The following ETV5 variants were observed in gnomAD, a reference collection of about 807,000 sequenced individuals.
ETV5 encodes ETS variant transcription factor 5.
ETV5 carries 10 observed loss-of-function variants against 70.0 expected under a neutral mutation model. That is an observed-to-expected ratio of 0.14 (90% confidence interval 0.09 to 0.24). The LOEUF (loss-of-function observed/expected upper bound fraction) is 0.24. ETV5 is among the 10% of genes least tolerant of loss of function. The probability of loss-of-function intolerance (pLI) is 1.00; values close to 1 mark genes in which losing one functional copy is unlikely to be tolerated. For synonymous variants in ETV5, 216 were observed against 242.2 expected (o/e 0.89, Z 1.01); for missense variants, 453 against 651.2 (o/e 0.70, Z 3.31).
chr3:186,060,013 C>T (rs1008456506), intron 9 of ETV5, among the ~76,000 whole-genome samples: 2 of 152,180 alleles, frequency 1.3e-5, no homozygotes, highest in South Asian at 2.1e-4. Flanking sequence ...TCATAATCCA[C>T]TATGCTTCAA....
At chr3:186,078,056 G>A (rs1713840414) in intron 7 of ETV5, 1 of 1,056,262 alleles carries the variant, frequency 9.5e-7, no homozygotes, top group African/African-American at 1.7e-5. Context: ...ATCAATCCCA[G>A]GAATCCAAAA....
chr3:186,073,897 A>G (rs1466691400), intron 7 of ETV5, among the ~76,000 whole-genome samples: 2 of 152,348 alleles, frequency 1.3e-5, no homozygotes, highest in Non-Finnish European at 2.9e-5. Context: ...GAAATTTTAT[A>G]TGGTTTTGTG....
Position 186,074,439 on chromosome 3 carries a change from T to C in ETV5, c.650+5378A>G, listed in dbSNP as rs545979856. On this transcript the variant is annotated intron_variant, in intron 7 of 12. Transcript: ENST00000306376. ...CAATTTCACATGAGATGTTCTAAAA[T>C]ATAGAAAACGGAAGACACCCTCTAC... 1.7e-4 allele frequency among the ~76,000 whole-genome samples: 26 copies of C among 152,218 alleles called. No individual in the cohort carries two copies. The South Asian group carries it at 4.8e-3, about 28-fold the overall frequency.
rs1713111610 is a variant in ETV5 at position 186,054,568 on chromosome 3, T to G, written c.1210-2437A>C. Among the ~76,000 whole-genome samples, 1 of 152,190 alleles carries G rather than the reference T, an allele frequency of 6.6e-6. No homozygotes were observed. Among genetic ancestry groups the G allele is most frequent in the Non-Finnish European group, 1.5e-5 (1 of 68,026 alleles). On this transcript the variant is annotated intron_variant, in intron 11 of 12. Transcript: ENST00000306376. This position sits in a 1 kb window ranked among gnomAD's most constrained non-coding sequence, Gnocchi z 4.4. Reference sequence around the variant, plus strand: ...GGATGACTATCAAAAGACATTTGATTAGGGGGCCTGCCAAAACGCAGTTCT... The same window carrying G: ...GGATGACTATCAAAAGACATTTGATGAGGGGGCCTGCCAAAACGCAGTTCT...
intron 5 of ETV5, among the ~76,000 whole-genome samples, chr3:186,097,278 T>C (rs903887133): frequency 1.3e-5 from 2 of 152,166 alleles, no homozygotes; most frequent in Admixed American, 1.3e-4. Flanking sequence ...AATACTTATC[T>C]GACCACAGTG....
intron 5 of ETV5, among the ~76,000 whole-genome samples, chr3:186,091,453 C>T (rs1714180899): frequency 6.6e-6 from 1 of 152,198 alleles, no homozygotes; most frequent in Admixed American, 6.5e-5. Context: ...CAGAATTCAT[C>T]AGTGAACAGT....
At chr3:186,082,829 G>A (rs1297398449) in intron 5 of ETV5, among the ~76,000 whole-genome samples, 1 of 152,192 alleles carries the variant, frequency 6.6e-6, no homozygotes, top group Non-Finnish European at 1.5e-5. Flanking sequence ...GATTGAATAC[G>A]AGACAGATGA....
intron 5 of ETV5, among the ~76,000 whole-genome samples, chr3:186,096,750 T>C (rs1437369835): frequency 6.6e-6 from 1 of 152,194 alleles, no homozygotes; most frequent in African/African-American, 2.4e-5. Flanking sequence ...GGATCATTAC[T>C]ATTAAGTTTT....
chr3:186,050,660 A>G (rs913097201), intron 12 of ETV5, among the ~76,000 whole-genome samples: 8 of 152,240 alleles, frequency 5.3e-5, no homozygotes, highest in Non-Finnish European at 4.4e-5. Flanking sequence ...CACCTATCCT[A>G]CAGCATTTAA....
rs535627668 is a variant in ETV5, at chr3:186,079,888, G to T, written c.579C>A (p.Val193=). Residue 193 remains valine, a synonymous_variant, in exon 7 of 13, where the codon GTC becomes GTA. Transcript: ENST00000306376. ...EPGPQQQTFA[V]PRPPHQPLQM... ...GCAGGGGCTGATGTGGTGGTCGGGG[G>T]ACCGCAAATGTTTGCTGCTGTGGTC... The T allele has an allele frequency of 2.5e-6, 4 of 1,606,998 alleles. No homozygotes were observed. In the South Asian group the frequency reaches 4.5e-5, roughly 18 times the overall value.
chr3:186,051,673 T>C (rs1253220812), intron 12 of ETV5, among the ~76,000 whole-genome samples: 2 of 152,210 alleles, frequency 1.3e-5, no homozygotes, highest in Non-Finnish European at 2.9e-5. Flanking sequence ...AATCAAGCTG[T>C]TGAAGTAGAG....
At chr3:186,108,781 G>C (rs893901368) in intron 1 of ETV5, 159 bp downstream of exon 1, 1 of 532,110 alleles carries the variant, frequency 1.9e-6, no homozygotes, top group African/African-American at 2.1e-5. Flanking sequence ...CCGGGCCGCG[G>C]GGGGAGGGGG....
chr3:186,063,867 A>C (rs1713370995), intron 9 of ETV5, among the ~76,000 whole-genome samples: 1 of 152,134 alleles, frequency 6.6e-6, no homozygotes, highest in Admixed American at 6.5e-5. Flanking sequence ...TTATCATATA[A>C]TAATAATTAC....
chr3:186,081,913 C>T (rs999738935), intron 5 of ETV5, among the ~76,000 whole-genome samples: 1 of 152,206 alleles, frequency 6.6e-6, no homozygotes, highest in Non-Finnish European at 1.5e-5. Flanking sequence ...ATAGATGGTG[C>T]AGTGAATTTT....
intron 1 of ETV5, among the ~76,000 whole-genome samples, chr3:186,107,138 C>T (rs1714607719): frequency 6.6e-6 from 1 of 152,190 alleles, no homozygotes; most frequent in Non-Finnish European, 1.5e-5. Context: ...TCCTCCGCAG[C>T]ACTTTGGCCC....
In ETV5 at chr3:186,052,184, G is replaced by T. The variant is rs878974027; in HGVS notation, c.1210-53C>A. The T allele has an allele frequency of 3.9e-6, 6 of 1,551,054 alleles. No individual in the cohort carries two copies. The South Asian group carries it at 6.7e-5, about 17-fold the overall frequency. ...TGGAAACGCATTCCCTGGGCCCCAT[G>T]TTCTCTCCCAATCCCAGCAGAGCCA... is the stretch of plus-strand genomic sequence containing the variant. On this transcript the variant is annotated intron_variant, in intron 11 of 12. Coordinates refer to ENST00000306376, the MANE Select transcript of ETV5 (RefSeq NM_004454.3). The surrounding 1 kb of genome is among the most constrained non-coding windows in gnomAD (Gnocchi z 4.5).
At chr3:186,049,623 G>A (rs1224615396) in intron 12 of ETV5, among the ~76,000 whole-genome samples, 1 of 152,184 alleles carries the variant, frequency 6.6e-6, no homozygotes, top group Non-Finnish European at 1.5e-5. Context: ...GGAAGGGAAG[G>A]CAGCCAAATT....
At chr3:186,065,754 G>GAAT in intron 8 of ETV5, 59 bp downstream of exon 8, 1 of 1,607,724 alleles carries the variant, frequency 6.2e-7, no homozygotes, top group Middle Eastern at 2.1e-4. Flanking sequence ...ATAAGACACT[G>GAAT]AATAACGAGA....
intron 5 of ETV5, among the ~76,000 whole-genome samples, chr3:186,086,794 A>C (rs57912727): frequency 0.14 from 20,376 of 149,270 alleles, 1,538 homozygotes; most frequent in African/African-American, 0.18. Context: ...CTGTCTCTAC[A>C]AAAAGATACG....
Sources: gnomAD v4.1 joint callset for allele counts (sites outside exome capture counted in the v4.1 genomes callset) on GRCh38, gnomAD v4.1.1 for gene constraint, Gnocchi (gnomAD v3.1) non-coding constraint, MANE v1.5 for transcripts, NCBI Gene and HGNC (gene_info 2026-07-23, HGNC 2026-07-21) for gene names.